The following DPP10 variants were observed in gnomAD, a reference collection of about 807,000 sequenced individuals.
DPP10 encodes the protein inactive dipeptidyl peptidase 10.
In DPP10, 33 loss-of-function variants were observed where a neutral mutation model predicts 120.9. The ratio of observed to expected loss-of-function variants is 0.27; its 90% CI spans 0.21 to 0.37. The LOEUF (loss-of-function observed/expected upper bound fraction) is 0.37. DPP10 is among the 10% of genes least tolerant of loss of function. The pLI is 1.00. For synonymous variants in DPP10, 337 were observed against 326.1 expected, an observed-to-expected ratio of 1.03 and a Z score of -0.36; for missense variants, 816 against 942.8, an observed-to-expected ratio of 0.87 and a Z score of 1.76.
At chr2:114,504,896 A>G (rs1476127446) in intron 1 of DPP10, among the ~76,000 whole-genome samples, 1 of 151,950 alleles carries the variant, frequency 6.6e-6, no homozygotes, top group Admixed American at 6.6e-5. Flanking sequence ...TACTAAAAAT[A>G]TAAAAATTAG....
At chr2:115,703,814 G>GT (rs2091989205) in intron 7 of DPP10, among the ~76,000 whole-genome samples, 1 of 152,036 alleles carries the variant, frequency 6.6e-6, no homozygotes, top group Admixed American at 6.6e-5. Flanking sequence ...ATCACAGTAG[G>GT]TATGACACTT....
At chr2:115,182,049 A>G (rs2054116128) in intron 1 of DPP10, among the ~76,000 whole-genome samples, 1 of 152,330 alleles carries the variant, frequency 6.6e-6, no homozygotes, top group Non-Finnish European at 1.5e-5. Context: ...TTACATTTTC[A>G]CTGTAAAATA....
chr2:114,701,809 A>C (rs1377610831), intron 1 of DPP10, among the ~76,000 whole-genome samples: 1 of 152,152 alleles, frequency 6.6e-6, no homozygotes, highest in Admixed American at 6.6e-5. Flanking sequence ...CACTGTCAAG[A>C]TGGTAAAATC....
chr2:115,544,700 C>T (rs971291157), intron 5 of DPP10, among the ~76,000 whole-genome samples: 3 of 151,960 alleles, frequency 2.0e-5, no homozygotes, highest in Admixed American at 6.6e-5. Flanking sequence ...TGGTGTCACT[C>T]GCTGTTCTTA....
chr2:115,489,730 T>G (rs894525878), intron 3 of DPP10, among the ~76,000 whole-genome samples: 5 of 152,058 alleles, frequency 3.3e-5, no homozygotes, highest in African/African-American at 1.2e-4. Flanking sequence ...TTTTGTTATA[T>G]TTTGAAATGG....
chr2:114,836,187 C>A (rs1046502450), intron 1 of DPP10, among the ~76,000 whole-genome samples: 3 of 152,130 alleles, frequency 2.0e-5, no homozygotes, highest in Non-Finnish European at 4.4e-5. Flanking sequence ...TAATTTCTTC[C>A]TTCTCTGCCT....
In DPP10 at chr2:115,526,003, T is replaced by C. The variant is rs201585414; in HGVS notation, c.441+31T>C. On this transcript the variant is annotated intron_variant, in intron 5 of 25. Transcript: ENST00000410059. ...GGAGTGATCTTCTTTGAGAATACTT[T>C]TCTTTGTGATGCATTGGGGTGACAA... is the stretch of plus-strand genomic sequence containing the variant. The C allele has an allele frequency of 5.2e-6, 8 of 1,551,334 alleles. No homozygotes were observed. In the Admixed American group the frequency reaches 1.5e-4, roughly 29 times the overall value.
At chr2:115,333,471 G>C (rs2062889113) in intron 2 of DPP10, among the ~76,000 whole-genome samples, 1 of 152,144 alleles carries the variant, frequency 6.6e-6, no homozygotes, top group South Asian at 2.1e-4. Flanking sequence ...TCAGTATGAT[G>C]TTAGCTGGTT....
At chr2:115,796,843 C>T (rs1405361643) in intron 19 of DPP10, among the ~76,000 whole-genome samples, 1 of 152,000 alleles carries the variant, frequency 6.6e-6, no homozygotes, top group Admixed American at 6.6e-5. Context: ...CACAAGGAAA[C>T]TATAACTAAA....
At chr2:115,117,799 C>T (rs530547442) in intron 1 of DPP10, among the ~76,000 whole-genome samples, 2 of 152,070 alleles carry the variant, frequency 1.3e-5, no homozygotes, top group Non-Finnish European at 2.9e-5. Flanking sequence ...AGACAAGGAA[C>T]CTTAAGGGTC....
chr2:114,637,252 G>A (rs958210843), intron 1 of DPP10, among the ~76,000 whole-genome samples: 1 of 151,800 alleles, frequency 6.6e-6, no homozygotes, highest in Admixed American at 6.6e-5. Flanking sequence ...TACCACATAG[G>A]TGATGATTAA....
chr2:114,569,869 A>G (rs1328208342), intron 1 of DPP10, among the ~76,000 whole-genome samples: 1 of 152,208 alleles, frequency 6.6e-6, no homozygotes, highest in Admixed American at 6.5e-5. Flanking sequence ...CCATCTGTTA[A>G]TCAATTATTT....
At chr2:115,460,986 A>G (rs2073952395) in intron 3 of DPP10, among the ~76,000 whole-genome samples, 3 of 152,206 alleles carry the variant, frequency 2.0e-5, no homozygotes. Flanking sequence ...GGGATTGACT[A>G]TAGTGTGTAT....
At chr2:115,678,492 T>A (rs2090434233) in intron 5 of DPP10, among the ~76,000 whole-genome samples, 1 of 152,164 alleles carries the variant, frequency 6.6e-6, no homozygotes, top group Non-Finnish European at 1.5e-5. Flanking sequence ...GAATTGAGGT[T>A]TGGGAACCTC....
intron 24 of DPP10, among the ~76,000 whole-genome samples, chr2:115,840,311 G>GTTGTTTT (rs1689961087): frequency 3.0e-5 from 1 of 33,242 alleles, no homozygotes; most frequent in Non-Finnish European, 6.8e-5. Context: ...CAGATATAAG[G>GTTGTTTT]TTTTTTGGTT....
chr2:115,059,303 ATCT>A (rs1209631047), intron 1 of DPP10, among the ~76,000 whole-genome samples: 2 of 151,250 alleles, frequency 1.3e-5, no homozygotes, highest in Non-Finnish European at 2.9e-5. Flanking sequence ...CCCCTCTTTT[ATCT>A]TCTAAGGTCT....
intron 13 of DPP10, among the ~76,000 whole-genome samples, chr2:115,771,847 T>A (rs1345892777): frequency 1.3e-5 from 2 of 152,202 alleles, no homozygotes; most frequent in East Asian, 1.9e-4. Context: ...CCTTACTAAA[T>A]GAAATTACTA....
intron 2 of DPP10, among the ~76,000 whole-genome samples, chr2:115,331,344 A>G (rs2062717437): frequency 6.6e-6 from 1 of 152,130 alleles, no homozygotes; most frequent in Non-Finnish European, 1.5e-5. Context: ...GGGTTTTCTA[A>G]ATATACAATG....
intron 1 of DPP10, among the ~76,000 whole-genome samples, chr2:114,794,955 T>A (rs1455609759): frequency 6.6e-6 from 1 of 152,212 alleles, no homozygotes; most frequent in Admixed American, 6.5e-5. Flanking sequence ...CTATTAATAA[T>A]CTAGAATTGT....
Sources: gnomAD v4.1 joint callset for allele counts (sites outside exome capture counted in the v4.1 genomes callset) on GRCh38, gnomAD v4.1.1 for gene constraint, MANE v1.5 for transcripts, NCBI Gene and HGNC (gene_info 2026-07-23, HGNC 2026-07-21) for gene names.